The following ABCC5 variants were observed in gnomAD, a reference collection of about 807,000 sequenced individuals.
ABCC5 encodes ATP-binding cassette sub-family C member 5.
ABCC5 carries 61 observed loss-of-function variants against 160.9 expected under a neutral mutation model. That is an observed-to-expected ratio of 0.38 (90% CI 0.31 to 0.47). ABCC5 has a LOEUF of 0.47. ABCC5 is among the 20% of genes least tolerant of loss of function. The pLI is 0.99. For synonymous variants in ABCC5, 666 were observed against 700.6 expected, an observed-to-expected ratio of 0.95 and a Z score of 0.78; for missense variants, 1,308 against 1,813.3, an observed-to-expected ratio of 0.72 and a Z score of 5.06.
Position 183,981,772 on chromosome 3 carries a change from T to C in ABCC5, c.1102A>G (p.Ile368Val). 6.2e-7 allele frequency: 1 copy of C among 1,609,854 alleles called. No individual in the cohort carries two copies. Among genetic ancestry groups the C allele is most frequent in the Non-Finnish European group, 8.5e-7 (1 of 1,179,016 alleles). Residue 368 changes from isoleucine to valine, a missense_variant, in exon 8 of 30, where the codon ATC becomes GTC. Ile to Val is a conservative substitution (Grantham distance 29). Around this residue, in one of 3 missense-constraint regions of ABCC5, gnomAD observed 1,142 missense variants for 1,527.1 expected, o/e 0.75. Transcript: ENST00000334444. ...GCTTTGACCCAGGCATACATTTTGA[T>C]AAATTTAATGTAAGTAAGAACTTCA... is the stretch of plus-strand genomic sequence containing the variant. Reference protein sequence around the residue: ...MNEVLTYIKFIKMYAWVKAFS... With the variant: ...MNEVLTYIKFVKMYAWVKAFS...
At chr3:183,965,760 G>A (rs1388749442) in intron 12 of ABCC5, among the ~76,000 whole-genome samples, 1 of 152,178 alleles carries the variant, frequency 6.6e-6, no homozygotes, top group Non-Finnish European at 1.5e-5. Flanking sequence ...CCCATTTGCT[G>A]TGTGCAAACT....
chr3:183,984,304 A>C, intron 5 of ABCC5: 1 of 985,808 alleles, frequency 1.0e-6, no homozygotes, highest in African/African-American at 1.7e-5. Flanking sequence ...ACAAAAAACC[A>C]CAACAAAAGA....
Position 183,983,003 on chromosome 3 carries a change from A to G in ABCC5, c.596T>C (p.Phe199Ser). Residue 199 changes from phenylalanine to serine, a missense_variant, in exon 6 of 30, where the codon TTC becomes TCC. By Grantham distance (155) the Phe-to-Ser change is radical. Around this residue, in one of 3 missense-constraint regions of ABCC5, gnomAD observed 1,142 missense variants for 1,527.1 expected, o/e 0.75. Coordinates refer to ENST00000334444, the MANE Select transcript of ABCC5 (RefSeq NM_005688.4). ...ATACTCCAAGAGGTGTTTCACCATGAAGGCCTACAGGGAGAGACACACACC... is the reference window on the plus strand; with the variant it reads ...ATACTCCAAGAGGTGTTTCACCATGGAGGCCTACAGGGAGAGACACACACC... ...TQLAGFSGPA[F>S]MVKHLLEYTQ... is the part of the protein sequence containing the mutation. The G allele has an allele frequency of 6.2e-7, 1 of 1,613,672 alleles. No homozygotes were observed. Among genetic ancestry groups the G allele is most frequent in the South Asian group, 1.1e-5 (1 of 91,052 alleles).
At position 183,961,600 on chromosome 3, in the gene ABCC5, T is replaced by C. The variant is rs1716742230; in HGVS notation, c.2290A>G (p.Arg764Gly). Residue 764 changes from arginine to glycine, a missense_variant, in exon 16 of 30, where the codon AGA (arginine) becomes GGA (glycine). Transcript: ENST00000334444. ...IFMKEGCITERGTHEELMNLN... is the reference protein window; with the variant it reads ...IFMKEGCITEGGTHEELMNLN... Reference sequence around the variant, plus strand: ...TTCATCAGTTCCTCATGGGTGCCTCTTTCCGTAATACAGCCCTCTTTCATG... The same window carrying C: ...TTCATCAGTTCCTCATGGGTGCCTCCTTCCGTAATACAGCCCTCTTTCATG... 2 of 1,614,136 alleles carry C rather than the reference T, an allele frequency of 1.2e-6. No homozygotes were observed. The highest frequency in any genetic ancestry group is 1.7e-5 in the Admixed American group (1 of 60,008).
intron 2 of ABCC5, among the ~76,000 whole-genome samples, chr3:184,005,854 C>A (rs182610945): frequency 2.7e-5 from 4 of 150,708 alleles, no homozygotes; most frequent in Admixed American, 2.0e-4. Flanking sequence ...AAAAAGTTTT[C>A]ATTAACCATT....
At chr3:183,983,477 C>A (rs1718925456) in intron 5 of ABCC5, 1 of 177,350 alleles carries the variant, frequency 5.6e-6, no homozygotes, top group African/African-American at 2.4e-5. Flanking sequence ...GCAAAACATT[C>A]CTGAAAATAA....
chr3:184,007,991 A>G (rs1721376894), intron 2 of ABCC5, among the ~76,000 whole-genome samples: 1 of 152,178 alleles, frequency 6.6e-6, no homozygotes, highest in African/African-American at 2.4e-5. Flanking sequence ...TCATTTCTCC[A>G]AATTCTATCC....
chr3:184,014,176 A>G, intron 2 of ABCC5, 88 bp downstream of exon 2: 1 of 1,371,420 alleles, frequency 7.3e-7, no homozygotes, highest in Non-Finnish European at 1.0e-6. Flanking sequence ...CCCGGCCAAA[A>G]AATAAGTTTC....
At position 184,013,854 on chromosome 3, in the gene ABCC5, T is replaced by C. The variant is rs1721962314; in HGVS notation, c.129+410A>G. ...ATCAATAACCATAAATTCTTAACAG[T>C]AACCTAAAGCCAATAAAGAAAAACA... On this transcript the variant is annotated intron_variant, in intron 2 of 29. Coordinates refer to ENST00000334444, the MANE Select transcript of ABCC5 (RefSeq NM_005688.4). Among the ~76,000 whole-genome samples, 4 of 152,060 alleles carry C rather than the reference T, an allele frequency of 2.6e-5. No homozygotes were observed. In the South Asian group the frequency reaches 8.3e-4, roughly 32 times the overall value.
intron 10 of ABCC5, among the ~76,000 whole-genome samples, chr3:183,976,034 C>T (rs921846512): frequency 3.3e-5 from 5 of 150,986 alleles, no homozygotes; most frequent in African/African-American, 4.9e-5. Flanking sequence ...CTGGTTATTG[C>T]GGATTCAGCA....
intron 26 of ABCC5, among the ~76,000 whole-genome samples, 159 bp downstream of exon 26, chr3:183,937,742 C>T (rs1713880645): frequency 6.6e-6 from 1 of 152,198 alleles, no homozygotes; most frequent in Non-Finnish European, 1.5e-5. Flanking sequence ...GGTGCTGCCT[C>T]TCCCTTCTGC....
At chr3:183,941,695 A>G (rs926937526) in intron 25 of ABCC5, among the ~76,000 whole-genome samples, 1 of 152,074 alleles carries the variant, frequency 6.6e-6, no homozygotes, top group African/African-American at 2.4e-5. Context: ...CGAAAGTGAG[A>G]AAAAAGGGGC....
rs79461701 is a variant in ABCC5, at chr3:183,953,940, C to G, written c.2483-670G>C. On this transcript the variant is annotated intron_variant, in intron 17 of 29. Transcript: ENST00000334444. The stretch of plus-strand genomic sequence containing the variant: ...AAGAACTTCTCAACAGAAAGGGTGA[C>G]AGGTGTGTCTGACTTCTGTTGGGCT... 5.0e-3 allele frequency among the ~76,000 whole-genome samples: 759 copies of G among 152,254 alleles called. 12 individuals carry two copies. The highest frequency in any genetic ancestry group is 0.017 in the African/African-American group (710 of 41,540).
intron 28 of ABCC5, among the ~76,000 whole-genome samples, chr3:183,926,784 C>T (rs985313178): frequency 1.3e-4 from 19 of 151,538 alleles, no homozygotes; most frequent in Non-Finnish European, 2.4e-4. Context: ...CGGTGGCTCA[C>T]GCCTGTAATC....
At position 183,987,629 on chromosome 3, in the gene ABCC5, C is replaced by A; in HGVS notation, c.591+141G>T. The A allele has an allele frequency of 8.8e-7, 1 of 1,139,908 alleles. No individual in the cohort carries two copies. The highest frequency in any genetic ancestry group is 1.3e-6 in the Non-Finnish European group (1 of 781,502). 70.6% of individuals were successfully genotyped at this position (1,139,908 alleles called of 1,614,324 possible). ...TCCAGCTGTTGCCAAAATCCATCGA[C>A]CCCTTTCAACAGACCTGAAGGCATC... On this transcript the variant is annotated intron_variant, in intron 5 of 29. Transcript: ENST00000334444. The surrounding 1 kb of genome is among the most constrained non-coding windows in gnomAD (Gnocchi z 4.2).
chr3:183,927,261 A>G, intron 28 of ABCC5, 69 bp downstream of exon 28: 2 of 1,485,654 alleles, frequency 1.3e-6, no homozygotes, highest in Non-Finnish European at 1.8e-6. Flanking sequence ...TTTGGACCCC[A>G]GTGTGTCAGG....
In ABCC5 at chr3:183,943,036, T is replaced by C. The variant is rs996345870; in HGVS notation, c.3505-120A>G. On this transcript the variant is annotated intron_variant, in intron 24 of 29. Transcript: ENST00000334444. ...AGCCACACAGAGGTAGCTGCCACCCTGTCACCTTGCTAGGAAAGAATCCCT... is the reference window on the plus strand; with the variant it reads ...AGCCACACAGAGGTAGCTGCCACCCCGTCACCTTGCTAGGAAAGAATCCCT... 9.1e-5 allele frequency: 88 copies of C among 968,270 alleles called. 1 individual carries two copies. In the South Asian group the frequency reaches 1.3e-3, roughly 15 times the overall value. 60.0% of individuals were successfully genotyped at this position (968,270 alleles called of 1,614,324 possible). A position where few individuals can be genotyped will look rare whatever the true frequency, so the allele number is the denominator to read the frequency against.
intron 5 of ABCC5, chr3:183,985,779 A>G (rs1719159694): frequency 1.2e-5 from 3 of 258,952 alleles, no homozygotes; most frequent in Admixed American, 9.4e-5. Flanking sequence ...CCCTGCACAT[A>G]TAGCGGCAGT....
Position 183,988,545 on chromosome 3 carries a change from A to T in ABCC5, c.443+27T>A. 1 of 1,594,774 alleles carries T rather than the reference A, an allele frequency of 6.3e-7. No individual in the cohort carries two copies. Among genetic ancestry groups the T allele is most frequent in the Admixed American group, 1.8e-5 (1 of 55,900 alleles). ...AGGCCCTGCCCACCCGGCATGGGGG[A>T]GATGAGGGTGGACCAGAGGCGCCTA... On this transcript the variant is annotated intron_variant, in intron 4 of 29. Transcript: ENST00000334444. This position sits in a 1 kb window ranked among gnomAD's most constrained non-coding sequence, Gnocchi z 4.4.
Sources: gnomAD v4.1 joint callset for allele counts (sites outside exome capture counted in the v4.1 genomes callset) on GRCh38, gnomAD v4.1.1 for gene constraint, gnomAD v4.1.1 regional missense constraint, Gnocchi (gnomAD v3.1) non-coding constraint, MANE v1.5 for transcripts, NCBI Gene and HGNC (gene_info 2026-07-23, HGNC 2026-07-21) for gene names.